The following MDFIC variants were observed in gnomAD, a reference collection of about 807,000 sequenced individuals.
The protein encoded by MDFIC is myoD family inhibitor domain-containing protein.
Under a neutral mutation model 23.2 loss-of-function variants are expected in MDFIC, and 17 were observed. That is an observed-to-expected ratio of 0.73 (90% CI 0.50 to 1.10). The LOEUF (loss-of-function observed/expected upper bound fraction) is 1.10, where lower values mean the gene tolerates loss of function less well. Ranked by LOEUF, MDFIC falls within the 50% of genes least tolerant of loss-of-function variation. The pLI is 0.00. For synonymous variants in MDFIC, 120 were observed against 115.2 expected, an observed-to-expected ratio of 1.04 and a Z score of -0.27; for missense variants, 356 against 316.6, an observed-to-expected ratio of 1.12 and a Z score of -0.95.
At chr7:114,978,781 T>C (rs1239939424) in intron 3 of MDFIC, among the ~76,000 whole-genome samples, 1 of 152,108 alleles carries the variant, frequency 6.6e-6, no homozygotes, top group Non-Finnish European at 1.5e-5. Context: ...CTATTAAATT[T>C]CTTTGTCTTG....
At chr7:114,994,605 A>T (rs922121288) in intron 4 of MDFIC, among the ~76,000 whole-genome samples, 2 of 152,172 alleles carry the variant, frequency 1.3e-5, no homozygotes, top group Non-Finnish European at 1.5e-5. Context: ...TCCTTCACTT[A>T]TGAAGCTTAA....
chr7:114,983,823 G>A (rs1039121269), intron 4 of MDFIC, among the ~76,000 whole-genome samples: 6 of 151,812 alleles, frequency 4.0e-5, no homozygotes, highest in African/African-American at 9.7e-5. Context: ...CGCCCACCTC[G>A]GCATCCCCAT....
At chr7:114,942,158 C>T (rs1266131421) in intron 2 of MDFIC, 117 bp from the exon 3 acceptor site, 2 of 581,830 alleles carry the variant, frequency 3.4e-6, no homozygotes, top group African/African-American at 3.9e-5. Flanking sequence ...AGAGGTATAC[C>T]TGTTCTATTT....
At chr7:114,945,064 A>G (rs1233284633) in intron 3 of MDFIC, among the ~76,000 whole-genome samples, 1 of 152,230 alleles carries the variant, frequency 6.6e-6, no homozygotes, top group Non-Finnish European at 1.5e-5. Context: ...TCAGCTGCAT[A>G]CGCAAGAAGT....
chr7:114,939,299 G>A (rs1043756870), intron 2 of MDFIC, among the ~76,000 whole-genome samples: 1 of 152,084 alleles, frequency 6.6e-6, no homozygotes, highest in South Asian at 2.1e-4. Flanking sequence ...CTTTGGGCTG[G>A]GTGCTGCGGA....
At chr7:115,012,638 A>G (rs1483634740) in intron 4 of MDFIC, among the ~76,000 whole-genome samples, 1 of 152,168 alleles carries the variant, frequency 6.6e-6, no homozygotes, top group African/African-American at 2.4e-5. Context: ...AAGAACAGCG[A>G]TGTTAGGAGC....
chr7:114,998,148 A>G (rs1307660978), intron 4 of MDFIC, among the ~76,000 whole-genome samples: 2 of 152,200 alleles, frequency 1.3e-5, no homozygotes, highest in South Asian at 2.1e-4. Context: ...AGTTTTGGGG[A>G]AAAATACAGA....
chr7:115,000,525 T>C (rs956734217), intron 4 of MDFIC, among the ~76,000 whole-genome samples: 5 of 152,218 alleles, frequency 3.3e-5, no homozygotes, highest in Admixed American at 2.6e-4. Flanking sequence ...GCATTCTTTA[T>C]AGTAAAAGTA....
At chr7:114,976,078 T>A (rs970143505) in intron 3 of MDFIC, among the ~76,000 whole-genome samples, 1 of 152,108 alleles carries the variant, frequency 6.6e-6, no homozygotes, top group Admixed American at 6.6e-5. Flanking sequence ...TTGCAAATAG[T>A]CAATTTTGAT....
intron 2 of MDFIC, among the ~76,000 whole-genome samples, chr7:114,931,257 TGAG>T (rs1792303046): frequency 6.6e-6 from 1 of 152,250 alleles, no homozygotes; most frequent in African/African-American, 2.4e-5. Flanking sequence ...GTAGAAACTA[TGAG>T]AAGAGTTATT....
At chr7:114,928,785 T>G (rs1415511973) in intron 2 of MDFIC, among the ~76,000 whole-genome samples, 1 of 152,052 alleles carries the variant, frequency 6.6e-6, no homozygotes, top group Middle Eastern at 3.2e-3. Context: ...ATAGAATGGT[T>G]TTGGAGGAAG....
At chr7:115,000,197 T>C (rs1043750006) in intron 4 of MDFIC, among the ~76,000 whole-genome samples, 8 of 152,212 alleles carry the variant, frequency 5.3e-5, no homozygotes, top group Non-Finnish European at 1.0e-4. Context: ...TACAAATACT[T>C]ACCATTGTGT....
intron 4 of MDFIC, among the ~76,000 whole-genome samples, chr7:115,014,820 C>A (rs1791761857): frequency 6.6e-6 from 1 of 152,132 alleles, no homozygotes; most frequent in Non-Finnish European, 1.5e-5. Flanking sequence ...GACATTAGAA[C>A]ATTAGAATCT....
chr7:114,931,621 A>C (rs1342630895), intron 2 of MDFIC, among the ~76,000 whole-genome samples: 1 of 152,218 alleles, frequency 6.6e-6, no homozygotes, highest in African/African-American at 2.4e-5. Flanking sequence ...CTGAAATATC[A>C]ATTCAAGATT....
At chr7:114,941,311 G>T (rs375350280) in intron 2 of MDFIC, among the ~76,000 whole-genome samples, 1 of 152,262 alleles carries the variant, frequency 6.6e-6, no homozygotes, top group South Asian at 2.1e-4. Context: ...ATTTCATCCA[G>T]ATTTCTCACC....
chr7:115,014,203 G>A (rs1192100357), intron 4 of MDFIC: 2 of 985,288 alleles, frequency 2.0e-6, no homozygotes, highest in Non-Finnish European at 2.4e-6. Flanking sequence ...GAGAAACAGA[G>A]GGGTGTTCAA....
chr7:114,998,446 G>A (rs933072448), intron 4 of MDFIC, among the ~76,000 whole-genome samples: 2 of 152,072 alleles, frequency 1.3e-5, no homozygotes, highest in Non-Finnish European at 1.5e-5. Flanking sequence ...GGAAGAGTGA[G>A]TATATTTAAA....
intron 2 of MDFIC, among the ~76,000 whole-genome samples, chr7:114,925,744 T>G (rs756922763): frequency 8.5e-5 from 13 of 152,182 alleles, no homozygotes; most frequent in Non-Finnish European, 1.6e-4. Context: ...TTTCAAGTGA[T>G]ACTGGAAATC....
intron 3 of MDFIC, among the ~76,000 whole-genome samples, chr7:114,956,348 TAC>T (rs35201842): frequency 0.065 from 7,762 of 120,112 alleles, 244 homozygotes; most frequent in Non-Finnish European, 0.098. Context: ...TATATATATA[TAC>T]ACACACACAT....
Sources: gnomAD v4.1 joint callset for allele counts (sites outside exome capture counted in the v4.1 genomes callset) on GRCh38, gnomAD v4.1.1 for gene constraint, MANE v1.5 for transcripts, NCBI Gene and HGNC (gene_info 2026-07-23, HGNC 2026-07-21) for gene names.